The following MAPKAP1 variants were observed in gnomAD, a reference collection of about 807,000 sequenced individuals.
The protein encoded by MAPKAP1 is target of rapamycin complex 2 subunit MAPKAP1.
MAPKAP1 carries 20 observed loss-of-function variants against 65.7 expected under a neutral mutation model. The ratio of observed to expected loss-of-function variants is 0.30; its 90% CI spans 0.21 to 0.44. MAPKAP1 has a LOEUF of 0.44. Among genes scored for constraint, MAPKAP1 ranks in the 20% least tolerant of loss-of-function variants. The pLI, the probability that MAPKAP1 is intolerant of heterozygous loss-of-function variation, is 1.00. For synonymous variants in MAPKAP1, 222 were observed against 244.3 expected (o/e 0.91, Z 0.85); for missense variants, 423 against 648.0 (o/e 0.65, Z 3.77).
chr9:125,694,197 G>A (rs1835316220), intron 1 of MAPKAP1, among the ~76,000 whole-genome samples: 2 of 151,748 alleles, frequency 1.3e-5, no homozygotes, highest in African/African-American at 4.8e-5. Flanking sequence ...GTGTGGTGGT[G>A]CACACCCGTA....
intron 4 of MAPKAP1, among the ~76,000 whole-genome samples, chr9:125,648,828 C>T (rs1833808109): frequency 6.6e-6 from 1 of 151,944 alleles, no homozygotes. Flanking sequence ...GTAATCCCAG[C>T]TACTTGGGAG....
intron 7 of MAPKAP1, among the ~76,000 whole-genome samples, chr9:125,534,656 G>T (rs1441359371): frequency 1.3e-5 from 2 of 152,174 alleles, no homozygotes; most frequent in Non-Finnish European, 2.9e-5. Context: ...TTTTCTAAGA[G>T]AAATTCTGAT....
intron 7 of MAPKAP1, among the ~76,000 whole-genome samples, chr9:125,511,702 G>C (rs1430617718): frequency 6.6e-6 from 1 of 152,136 alleles, no homozygotes; most frequent in African/African-American, 2.4e-5. Flanking sequence ...TTTTGCCAAA[G>C]AAATGATTAT....
chr9:125,484,791 C>T (rs1402673291), intron 8 of MAPKAP1, among the ~76,000 whole-genome samples: 6 of 152,150 alleles, frequency 3.9e-5, no homozygotes, highest in Non-Finnish European at 8.8e-5. Flanking sequence ...AACACTATGG[C>T]AGGTCCTTGG....
chr9:125,604,155 T>A (rs772379631), intron 4 of MAPKAP1, among the ~76,000 whole-genome samples: 1 of 152,232 alleles, frequency 6.6e-6, no homozygotes, highest in Non-Finnish European at 1.5e-5. Context: ...ACTTAATTTA[T>A]CTCATTTAGA....
chr9:125,449,001 T>C (rs1462978533), intron 10 of MAPKAP1, among the ~76,000 whole-genome samples: 3 of 114,432 alleles, frequency 2.6e-5, no homozygotes, highest in South Asian at 2.9e-4. Context: ...CGAGACTCTG[T>C]CTCAAAAAAA....
chr9:125,626,370 C>T (rs1833119585), intron 4 of MAPKAP1, among the ~76,000 whole-genome samples: 1 of 152,166 alleles, frequency 6.6e-6, no homozygotes, highest in African/African-American at 2.4e-5. Flanking sequence ...TCCCTCTGAC[C>T]CCATTACTGG....
intron 4 of MAPKAP1, among the ~76,000 whole-genome samples, chr9:125,638,007 G>C (rs1330899777): frequency 1.3e-5 from 2 of 152,148 alleles, no homozygotes; most frequent in Admixed American, 6.5e-5. Flanking sequence ...CCTGACCTCA[G>C]GTGATCTACC....
intron 7 of MAPKAP1, among the ~76,000 whole-genome samples, chr9:125,528,138 C>G (rs499864): frequency 1 from 152,242 of 152,338 alleles, 76,073 homozygotes; most frequent in Middle Eastern, 1. Flanking sequence ...CAAGGAAAAG[C>G]GGGGGCTCTC....
At chr9:125,632,565 C>T (rs1165171358) in intron 4 of MAPKAP1, among the ~76,000 whole-genome samples, 3 of 152,226 alleles carry the variant, frequency 2.0e-5, no homozygotes, top group East Asian at 3.8e-4. Flanking sequence ...CCCCCATACA[C>T]AAATGACTGC....
At chr9:125,627,340 A>G (rs1196802833) in intron 4 of MAPKAP1, among the ~76,000 whole-genome samples, 1 of 152,258 alleles carries the variant, frequency 6.6e-6, no homozygotes, top group Non-Finnish European at 1.5e-5. Context: ...TTAAGGCTTT[A>G]AAGTTTTTAT....
intron 5 of MAPKAP1, among the ~76,000 whole-genome samples, 179 bp from the exon 6 acceptor site, chr9:125,559,988 C>A (rs115962597): frequency 1.7e-3 from 265 of 152,216 alleles, no homozygotes; most frequent in Non-Finnish European, 2.9e-3. Context: ...CATGGCAATG[C>A]AAAGGGGAGA....
chr9:125,579,960 T>C (rs986722503), intron 5 of MAPKAP1, among the ~76,000 whole-genome samples: 3 of 152,196 alleles, frequency 2.0e-5, no homozygotes, highest in African/African-American at 7.2e-5. Context: ...TGTCATATAA[T>C]TGTAGTCCAA....
rs116769349 is a variant in MAPKAP1, at chr9:125,692,915, A to G, written c.-70+14056T>C. On this transcript the variant is annotated intron_variant, in intron 1 of 11. Coordinates refer to ENST00000265960, the MANE Select transcript of MAPKAP1 (RefSeq NM_001006617.3). ...TTCTGGGGAAAAAGAGAACTGTCATATACCTTCGTGACCTGTGTAAAGGTA... is the reference window on the plus strand; with the variant it reads ...TTCTGGGGAAAAAGAGAACTGTCATGTACCTTCGTGACCTGTGTAAAGGTA... Among the ~76,000 whole-genome samples, 625 of 152,292 alleles carry G rather than the reference A, an allele frequency of 4.1e-3. 6 individuals are homozygous for G. Among genetic ancestry groups the G allele is most frequent in the African/African-American group, 0.014 (587 of 41,550 alleles).
At chr9:125,631,745 T>C (rs1414383682) in intron 4 of MAPKAP1, among the ~76,000 whole-genome samples, 1 of 152,144 alleles carries the variant, frequency 6.6e-6, no homozygotes, top group Non-Finnish European at 1.5e-5. Context: ...CCTACTACTT[T>C]CATTGCCCAG....
intron 1 of MAPKAP1, among the ~76,000 whole-genome samples, chr9:125,689,211 G>A (rs544025284): frequency 2.6e-5 from 4 of 151,968 alleles, no homozygotes; most frequent in African/African-American, 9.7e-5. Flanking sequence ...GCCGAGGTGG[G>A]CGGATCACGA....
chr9:125,535,701 T>A (rs1830055520), intron 7 of MAPKAP1, among the ~76,000 whole-genome samples: 1 of 152,242 alleles, frequency 6.6e-6, no homozygotes, highest in African/African-American at 2.4e-5. Flanking sequence ...TTTCATTTTT[T>A]AAAACATTTA....
chr9:125,651,567 C>T (rs187294396), intron 4 of MAPKAP1, among the ~76,000 whole-genome samples: 17 of 152,260 alleles, frequency 1.1e-4, no homozygotes, highest in Admixed American at 9.1e-4. Flanking sequence ...GATGGTGCGA[C>T]TGCACTCCAG....
chr9:125,663,285 C>T (rs770065268), intron 3 of MAPKAP1, among the ~76,000 whole-genome samples: 1 of 152,224 alleles, frequency 6.6e-6, no homozygotes, highest in Non-Finnish European at 1.5e-5. Flanking sequence ...ACACCAGGCA[C>T]GTTTCTGCCT....
Sources: gnomAD v4.1 joint callset for allele counts (sites outside exome capture counted in the v4.1 genomes callset) on GRCh38, gnomAD v4.1.1 for gene constraint, MANE v1.5 for transcripts, NCBI Gene and HGNC (gene_info 2026-07-23, HGNC 2026-07-21) for gene names.